The following NEK1 variants were observed in gnomAD, a reference collection of about 807,000 sequenced individuals.
NEK1 encodes the protein NIMA related kinase 1, also known as serine/threonine-protein kinase Nek1.
Under a neutral mutation model 182.1 loss-of-function variants are expected in NEK1, and 137 were observed. The ratio of observed to expected loss-of-function variants is 0.75; its 90% CI spans 0.65 to 0.87. NEK1 has a LOEUF of 0.87. NEK1 is among the 40% of genes least tolerant of loss of function. The pLI is 0.00. For synonymous variants in NEK1, 513 were observed against 492.2 expected, an observed-to-expected ratio of 1.04 and a Z score of -0.56; for missense variants, 1,391 against 1,494.4, an observed-to-expected ratio of 0.93 and a Z score of 1.14.
At chr4:169,527,211 C>T (rs1196687772) in intron 19 of NEK1, among the ~76,000 whole-genome samples, 1 of 152,112 alleles carries the variant, frequency 6.6e-6, no homozygotes. Context: ...AAGAATATTA[C>T]ATCCTGTGAA....
At chr4:169,399,926 G>A (rs1026771725) in intron 35 of NEK1, among the ~76,000 whole-genome samples, 8 of 151,976 alleles carry the variant, frequency 5.3e-5, no homozygotes, top group African/African-American at 1.9e-4. Context: ...CACCCGGCTA[G>A]GATTATTCTA....
chr4:169,462,071 A>C (rs1277491158), intron 27 of NEK1, among the ~76,000 whole-genome samples: 1 of 152,142 alleles, frequency 6.6e-6, no homozygotes, highest in Non-Finnish European at 1.5e-5. Flanking sequence ...AAACGACATC[A>C]AGGAATCAGA....
chr4:169,562,601 C>T (rs1025192590), intron 12 of NEK1, among the ~76,000 whole-genome samples: 1 of 152,074 alleles, frequency 6.6e-6, no homozygotes, highest in Non-Finnish European at 1.5e-5. Context: ...TTGCTCTCCA[C>T]CTCCAGAGTA....
chr4:169,465,667 A>C (rs59279629), intron 26 of NEK1, among the ~76,000 whole-genome samples: 9,977 of 152,200 alleles, frequency 0.066, 460 homozygotes, highest in East Asian at 0.17. Context: ...TCAGCCAAAA[A>C]AGACTGATTT....
chr4:169,497,320 G>A (rs1339141083), intron 23 of NEK1, among the ~76,000 whole-genome samples: 11 of 151,770 alleles, frequency 7.2e-5, no homozygotes, highest in African/African-American at 1.5e-4. Flanking sequence ...TCTTGCTAGC[G>A]GTCTATCAAT....
At chr4:169,496,465 C>T (rs1400645177) in intron 23 of NEK1, among the ~76,000 whole-genome samples, 1 of 151,130 alleles carries the variant, frequency 6.6e-6, no homozygotes, top group African/African-American at 2.5e-5. Context: ...TGAGAGAGGG[C>T]ATCCCTGTCT....
At chr4:169,533,585 T>C (rs557899863) in intron 19 of NEK1, among the ~76,000 whole-genome samples, 1 of 152,302 alleles carries the variant, frequency 6.6e-6, no homozygotes, top group South Asian at 2.1e-4. Context: ...ATGGGAAAAC[T>C]AATTAGAATT....
At chr4:169,565,107 ACCATTTAC>A (rs1763473680) in intron 12 of NEK1, among the ~76,000 whole-genome samples, 1 of 152,190 alleles carries the variant, frequency 6.6e-6, no homozygotes, top group Non-Finnish European at 1.5e-5. Flanking sequence ...ACTTAAGCTA[ACCATTTAC>A]GTTACCACTT....
At chr4:169,442,792 A>G (rs1409604683) in intron 27 of NEK1, among the ~76,000 whole-genome samples, 1 of 152,202 alleles carries the variant, frequency 6.6e-6, no homozygotes, top group Non-Finnish European at 1.5e-5. Flanking sequence ...CTAGTGTTTT[A>G]GAAAAGGAAG....
chr4:169,576,841 A>G (rs1385479787), intron 12 of NEK1, 87 bp downstream of exon 12: 53 of 1,254,068 alleles, frequency 4.2e-5, no homozygotes, highest in Non-Finnish European at 5.6e-5. Flanking sequence ...AAGTAATCCT[A>G]TAATATCAAG....
At chr4:169,500,657 G>A (rs749492012) in intron 23 of NEK1, among the ~76,000 whole-genome samples, 3 of 152,158 alleles carry the variant, frequency 2.0e-5, no homozygotes, top group Non-Finnish European at 4.4e-5. Context: ...AGCCTGCCAA[G>A]CTAAGTAAGC....
intron 23 of NEK1, among the ~76,000 whole-genome samples, chr4:169,492,255 C>T (rs1356227869): frequency 6.6e-6 from 1 of 152,172 alleles, no homozygotes; most frequent in Non-Finnish European, 1.5e-5. Flanking sequence ...ATCTCATGCC[C>T]GTTCTCCTCA....
chr4:169,430,505 T>C (rs1737226534), intron 29 of NEK1, among the ~76,000 whole-genome samples: 1 of 152,080 alleles, frequency 6.6e-6, no homozygotes, highest in African/African-American at 2.4e-5. Context: ...AAGGGGCCAA[T>C]CTAAAGACTT....
chr4:169,479,468 A>G lies in NEK1; in HGVS notation c.2074T>C (p.Ser692Pro). Residue 692 changes from serine (S) to proline (P), a missense_variant, in exon 24 of 36, where the codon TCT (serine) becomes CCT (proline). By Grantham distance (74) the Ser-to-Pro change is moderately conservative. This residue lies in a region of NEK1 where 1,216 missense variants were observed against 1,277.6 expected (regional missense o/e 0.95). Transcript: ENST00000507142. ...GATCTCATCTGTTGCTTTGATGGAG[A>G]GCCACCTGTTTCATGCTGTCCCAAA... is the stretch of plus-strand genomic sequence containing the variant. ...PPLGQHETGG[S>P]PSKQQMRSVI... The G allele has an allele frequency of 6.2e-7, 1 of 1,612,148 alleles. No homozygotes were observed. The highest frequency in any genetic ancestry group is 8.5e-7 in the Non-Finnish European group (1 of 1,179,064).
intron 31 of NEK1, among the ~76,000 whole-genome samples, chr4:169,414,953 C>T (rs1734284615): frequency 6.6e-6 from 1 of 152,204 alleles, no homozygotes; most frequent in Admixed American, 6.5e-5. Context: ...CCTAACCAAA[C>T]TAGAGTCTGA....
intron 31 of NEK1, among the ~76,000 whole-genome samples, chr4:169,414,056 G>C (rs975242956): frequency 3.3e-5 from 5 of 152,156 alleles, no homozygotes; most frequent in African/African-American, 1.2e-4. Flanking sequence ...ACTGTGAGAA[G>C]TAACTATATG....
intron 26 of NEK1, among the ~76,000 whole-genome samples, chr4:169,470,402 A>T (rs1745736781): frequency 1.3e-5 from 2 of 152,284 alleles, no homozygotes. Flanking sequence ...TGCATATGAA[A>T]TTCTGGGTTG....
In NEK1 at chr4:169,406,723, C is replaced by A; in HGVS notation, c.3247G>T (p.Asp1083Tyr). The A allele has an allele frequency of 6.2e-7, 1 of 1,600,402 alleles. No homozygotes were observed. Among genetic ancestry groups the A allele is most frequent in the Non-Finnish European group, 8.5e-7 (1 of 1,175,298 alleles). The change falls in exon 32 of 36, where the codon GAT becomes TAT. Residue 1083 changes from aspartate (D) to tyrosine (Y), a missense_variant. Physicochemically the swap from Asp to Tyr is radical, Grantham distance 160 (BLOSUM62 -3). Transcript: ENST00000507142. The stretch of plus-strand genomic sequence containing the variant: ...AGGGTTCTGAACAGCTTTGAGAGAT[C>A]TGGAAGTGAACATGTCCTTAACATC... ...PKMLRTCSLP[D>Y]LSKLFRTLMD...
chr4:169,453,044 A>G (rs1742140507), intron 27 of NEK1, among the ~76,000 whole-genome samples: 1 of 152,230 alleles, frequency 6.6e-6, no homozygotes, highest in South Asian at 2.1e-4. Flanking sequence ...CCAAATCATG[A>G]GTGAACTCCC....
Sources: allele counts gnomAD v4.1 joint callset (sites outside exome capture counted in the v4.1 genomes callset), GRCh38; gene constraint gnomAD v4.1.1; regional missense constraint gnomAD v4.1.1; transcripts MANE v1.5; gene names NCBI Gene and HGNC (gene_info 2026-07-23, HGNC 2026-07-21).